Variants in ITPR3 observed in about 807,000 individuals in gnomAD.
ITPR3 encodes the protein inositol 1,4,5-trisphosphate-gated calcium channel ITPR3.
A neutral mutation model predicts 293.2 loss-of-function variants in ITPR3; 173 were observed. The observed-to-expected ratio is 0.59, with a 90% CI of 0.52 to 0.67. ITPR3 has a LOEUF of 0.67. Ranked by LOEUF, ITPR3 falls within the 30% of genes least tolerant of loss-of-function variation. The probability of loss-of-function intolerance (pLI) is 0.00; values close to 1 mark genes in which losing one functional copy is unlikely to be tolerated. For missense variants in ITPR3, 2,796 were observed against 3,592.1 expected, an observed-to-expected ratio of 0.78 and a Z score of 5.66; for synonymous variants, 1,295 against 1,444.4, an observed-to-expected ratio of 0.90 and a Z score of 2.35.
Position 33,658,917 on chromosome 6 carries a change from G to T in ITPR3, c.528+89G>T. 1 of 1,599,610 alleles carries T rather than the reference G, an allele frequency of 6.3e-7. No individual in the cohort carries two copies. Among genetic ancestry groups the T allele is most frequent in the African/African-American group, 1.3e-5 (1 of 74,702 alleles). ...CGGTGTGGGGACTGGATAAGGGCAT[G>T]CCCATTTCTTAGAAGGGCAGACTGA... On this transcript the variant is annotated intron_variant, in intron 5 of 57. Coordinates refer to ENST00000605930, the MANE Select transcript of ITPR3 (RefSeq NM_002224.4). The surrounding 1 kb of genome is among the most constrained non-coding windows in gnomAD (Gnocchi z 6.1).
At chr6:33,663,610 C>T in intron 10 of ITPR3, 60 bp downstream of exon 10, 1 of 1,598,750 alleles carries the variant, frequency 6.3e-7, no homozygotes, top group Admixed American at 1.7e-5. Flanking sequence ...TAGGCGGGGG[C>T]AGGGGAGGCC....
chr6:33,695,829 C>A lies in ITPR3; in HGVS notation c.*49C>A. On this transcript the variant is annotated 3_prime_UTR_variant, in exon 58 of 58. Transcript: ENST00000605930. ...AGGGGATGCTCATCACTGGAGACTGCGACTGGGAAGAACACTGCCCCCTCC... is the reference window on the plus strand; with the variant it reads ...AGGGGATGCTCATCACTGGAGACTGAGACTGGGAAGAACACTGCCCCCTCC... 1 of 1,580,940 alleles carries A rather than the reference C, an allele frequency of 6.3e-7. No homozygotes were observed.
In ITPR3 at chr6:33,688,224, G is replaced by A. The variant is rs1424400703; in HGVS notation, c.6376-15G>A. Reference sequence around the variant, plus strand: ...GAGCCTGCGCCGGGCGTGACCATGTGCTGTGTGTGCTCAGATTGTGCGGCA... The same window carrying A: ...GAGCCTGCGCCGGGCGTGACCATGTACTGTGTGTGCTCAGATTGTGCGGCA... On this transcript the variant is annotated splice_polypyrimidine_tract_variant and intron_variant, in intron 47 of 57. Coordinates refer to ENST00000605930, the MANE Select transcript of ITPR3 (RefSeq NM_002224.4). 7.4e-6 allele frequency: 12 copies of A among 1,614,158 alleles called. No individual in the cohort carries two copies. The highest frequency in any genetic ancestry group is 9.3e-6 in the Non-Finnish European group (11 of 1,180,012).
In ITPR3 at chr6:33,684,205, G is replaced by A. The variant is rs746103195; in HGVS notation, c.4937+37G>A. 1 of 1,604,658 alleles carries A rather than the reference G, an allele frequency of 6.2e-7. No homozygotes were observed. The highest frequency in any genetic ancestry group is 1.1e-5 in the South Asian group (1 of 90,780). ...ACTGGGGCATGGGGGCAGCAGGGGT[G>A]CAGCGGCAGGGGACAGAGAAGGGCC... On this transcript the variant is annotated intron_variant, in intron 36 of 57. Coordinates refer to ENST00000605930, the MANE Select transcript of ITPR3 (RefSeq NM_002224.4). This position sits in a 1 kb window ranked among gnomAD's most constrained non-coding sequence, Gnocchi z 4.2.
intron 9 of ITPR3, 32 bp downstream of exon 9, chr6:33,663,038 C>A: frequency 6.4e-7 from 1 of 1,557,760 alleles, no homozygotes; most frequent in Non-Finnish European, 8.7e-7. Flanking sequence ...TGCTGGGGCT[C>A]GTGTGTGCAT....
rs1764642027 is a variant in ITPR3, at chr6:33,667,500, G to A, written c.1713+210G>A. Reference sequence around the variant, plus strand: ...GTTAGATGCTCTGCTGCTGAGCAAGGGTCCTGCTCTTTCATTCTGCACTGG... The same window carrying A: ...GTTAGATGCTCTGCTGCTGAGCAAGAGTCCTGCTCTTTCATTCTGCACTGG... On this transcript the variant is annotated intron_variant, in intron 15 of 57. Coordinates refer to ENST00000605930, the MANE Select transcript of ITPR3 (RefSeq NM_002224.4). The surrounding 1 kb of genome is among the most constrained non-coding windows in gnomAD (Gnocchi z 4.4). Among the ~76,000 whole-genome samples the A allele has an allele frequency of 6.6e-6, 1 of 152,148 alleles. No homozygotes were observed.
rs1765281904 is a variant in ITPR3 at position 33,687,977 on chromosome 6, A to G, written c.6265-80A>G. The stretch of plus-strand genomic sequence containing the variant: ...CTGAAGTGTAGTTCAGAGCTAGGCG[A>G]AGGCCTGGGAGGGTGGGGGCTGAGT... On this transcript the variant is annotated intron_variant, in intron 46 of 57. Coordinates refer to ENST00000605930, the MANE Select transcript of ITPR3 (RefSeq NM_002224.4). This position sits in a 1 kb window ranked among gnomAD's most constrained non-coding sequence, Gnocchi z 5.3. 1 of 1,141,352 alleles carries G rather than the reference A, an allele frequency of 8.8e-7. No homozygotes were observed. Among genetic ancestry groups the G allele is most frequent in the African/African-American group, 1.5e-5 (1 of 64,752 alleles). 70.7% of individuals were successfully genotyped at this position (1,141,352 alleles called of 1,614,324 possible).
At chr6:33,627,330 C>A (rs1763571192) in intron 1 of ITPR3, among the ~76,000 whole-genome samples, 1 of 152,084 alleles carries the variant, frequency 6.6e-6, no homozygotes, top group Admixed American at 6.5e-5. Context: ...TCCCTATGAC[C>A]TTCTAGCCTT....
rs1415308103 is a variant in ITPR3, at chr6:33,691,731, G to C, written c.7330+12G>C. 2 of 1,613,854 alleles carry C rather than the reference G, an allele frequency of 1.2e-6. No individual in the cohort carries two copies. Among genetic ancestry groups the C allele is most frequent in the Non-Finnish European group, 1.7e-6 (2 of 1,179,958 alleles). Reference sequence around the variant, plus strand: ...TGAGGTCCTGGAAGGTGAGGGTGGTGTGTGTGCAGGAGTCTGTGTGGGGTA... The same window carrying C: ...TGAGGTCCTGGAAGGTGAGGGTGGTCTGTGTGCAGGAGTCTGTGTGGGGTA... On this transcript the variant is annotated intron_variant, in intron 53 of 57. Coordinates refer to ENST00000605930, the MANE Select transcript of ITPR3 (RefSeq NM_002224.4). The surrounding 1 kb of genome is among the most constrained non-coding windows in gnomAD (Gnocchi z 4.9).
rs1326061765 is a variant in ITPR3, at chr6:33,633,298, C to T, written c.90-7186C>T. Among the ~76,000 whole-genome samples the T allele has an allele frequency of 1.3e-5, 2 of 152,044 alleles. No individual in the cohort carries two copies. The highest frequency in any genetic ancestry group is 4.8e-5 in the African/African-American group (2 of 41,398). ...GGTGGGAACAGGTCTTTTCTGGGGC[C>T]CGTGGGTGGAGGGACCTTGTGGGGA... On this transcript the variant is annotated intron_variant, in intron 1 of 57. Transcript: ENST00000605930. This position sits in a 1 kb window ranked among gnomAD's most constrained non-coding sequence, Gnocchi z 5.2.
intron 1 of ITPR3, among the ~76,000 whole-genome samples, chr6:33,629,992 G>A (rs939319582): frequency 4.6e-5 from 7 of 152,102 alleles, no homozygotes; most frequent in African/African-American, 1.4e-4. Context: ...TCGGGAGGCT[G>A]AGGCAGGAGA....
In ITPR3 at chr6:33,687,652, G is replaced by T; in HGVS notation, c.6264+88G>T. On this transcript the variant is annotated intron_variant, in intron 46 of 57. Coordinates refer to ENST00000605930, the MANE Select transcript of ITPR3 (RefSeq NM_002224.4). The surrounding 1 kb of genome is among the most constrained non-coding windows in gnomAD (Gnocchi z 5.3). ...CCAAGGGCGTGGCCTGGAACAGAGT[G>T]AGGCCCTAGAATATGAGCCAGGCTA... is the stretch of plus-strand genomic sequence containing the variant. The T allele has an allele frequency of 9.4e-7, 1 of 1,059,598 alleles. No individual in the cohort carries two copies. Among genetic ancestry groups the T allele is most frequent in the East Asian group, 2.5e-5 (1 of 39,616 alleles). The allele number at this position is 1,059,598 out of a possible 1,614,324, so 65.6% of individuals were successfully genotyped here.
intron 1 of ITPR3, among the ~76,000 whole-genome samples, chr6:33,628,115 T>G (rs529208588): frequency 1.3e-5 from 2 of 152,050 alleles, no homozygotes; most frequent in East Asian, 3.9e-4. Context: ...AGTTTTAGGG[T>G]GGGGCCACAC....
At position 33,680,645 on chromosome 6, in the gene ITPR3, A is replaced by G; in HGVS notation, c.4441A>G (p.Ser1481Gly). The change falls in exon 33 of 58, where the codon AGC becomes GGC. Residue 1481 changes from serine (S) to glycine (G), a missense_variant. Coordinates refer to ENST00000605930, the MANE Select transcript of ITPR3 (RefSeq NM_002224.4). ...VVLDTINAFF[S>G]SPFSENSTSL... ...GCTGGACACCATCAACGCCTTCTTC[A>G]GCTCCCCATTCTCTGAGAACAGCAC... is the stretch of plus-strand genomic sequence containing the variant. 1 of 1,614,068 alleles carries G rather than the reference A, an allele frequency of 6.2e-7. No homozygotes were observed. Among genetic ancestry groups the G allele is most frequent in the Non-Finnish European group, 8.5e-7 (1 of 1,179,972 alleles).
intron 39 of ITPR3, 103 bp downstream of exon 39, chr6:33,685,046 G>C: frequency 3.7e-6 from 5 of 1,343,082 alleles, no homozygotes; most frequent in Non-Finnish European, 5.1e-6. Context: ...GGGTGTGAAA[G>C]AGGAGAGGCC....
chr6:33,651,806 G>T (rs1415729672), intron 2 of ITPR3, among the ~76,000 whole-genome samples: 3 of 152,192 alleles, frequency 2.0e-5, no homozygotes, highest in African/African-American at 7.2e-5. Context: ...AGGTCACCAT[G>T]GTTCTCAGCC....
Position 33,672,165 on chromosome 6 carries a change from G to C in ITPR3, c.2865G>C (p.Lys955Asn). Residue 955 changes from lysine to asparagine, a missense_variant, in exon 22 of 58, where the codon AAG becomes AAC. Transcript: ENST00000605930. This position sits in a 1 kb window ranked among gnomAD's most constrained non-coding sequence, Gnocchi z 5.0. ...CTGCTGAGCCGCTGGACAGAAGCAA[G>C]TTTGAGGAGAATGAGGACATTGTGG... ...ASAAEPLDRS[K>N]FEENEDIVVM... The C allele has an allele frequency of 6.2e-7, 1 of 1,613,462 alleles. No individual in the cohort carries two copies. The highest frequency in any genetic ancestry group is 2.2e-5 in the East Asian group (1 of 44,816).
chr6:33,683,362 C>T lies in ITPR3; in HGVS notation c.4753C>T (p.Gln1585Ter), dbSNP rs1765134180. Residue 1585 changes from glutamine (Q) to a stop codon, truncating the protein, a stop_gained, in exon 35 of 58, where the codon CAG (glutamine) becomes TAG (stop). Coordinates refer to ENST00000605930, the MANE Select transcript of ITPR3 (RefSeq NM_002224.4). LOFTEE classifies it high-confidence loss of function. The surrounding 1 kb of genome is among the most constrained non-coding windows in gnomAD (Gnocchi z 4.5). ...AFPRVTPTAN[Q>*]WDYKNIIEKL... The stretch of plus-strand genomic sequence containing the variant: ...CCCCCGCGTCACCCCCACCGCCAAC[C>T]AGTGGGACTACAAGAACATCATTGA... 1 of 1,594,644 alleles carries T rather than the reference C, an allele frequency of 6.3e-7. No homozygotes were observed.
In ITPR3 at chr6:33,689,245, G is replaced by A. The variant is rs759405789; in HGVS notation, c.6702G>A (p.Leu2234=). The change falls in exon 50 of 58, where the codon CTG becomes CTA. Residue 2234 remains leucine, a synonymous_variant. Transcript: ENST00000605930. ...PYMEGASTGV[L]DSPLISLLFW... ...CCTGCCCCTGGCCCCCAGGCGTGCT[G>A]GACTCCCCTCTCATCTCATTGCTCT... 2.5e-6 allele frequency: 4 copies of A among 1,609,650 alleles called. No homozygotes were observed. Among genetic ancestry groups the A allele is most frequent in the Non-Finnish European group, 2.5e-6 (3 of 1,179,960 alleles).
Sources: allele counts gnomAD v4.1 joint callset (sites outside exome capture counted in the v4.1 genomes callset), GRCh38; gene constraint gnomAD v4.1.1; non-coding constraint Gnocchi (gnomAD v3.1); transcripts MANE v1.5; gene names NCBI Gene and HGNC (gene_info 2026-07-23, HGNC 2026-07-21).